The following ABR variants were observed in gnomAD, a reference collection of about 807,000 sequenced individuals.
ABR encodes active breakpoint cluster region-related protein.
A neutral mutation model predicts 107.2 loss-of-function variants in ABR; 35 were observed. The ratio of observed to expected loss-of-function variants is 0.33; its 90% confidence interval spans 0.25 to 0.43. The LOEUF is 0.43. ABR is among the 20% of genes least tolerant of loss of function. The probability of loss-of-function intolerance (pLI) is 1.00; values close to 1 mark genes in which losing one functional copy is unlikely to be tolerated. For synonymous variants in ABR, 498 were observed against 462.0 expected, an observed-to-expected ratio of 1.08 and a Z score of -1.00; for missense variants, 815 against 1,115.2, an observed-to-expected ratio of 0.73 and a Z score of 3.83.
At chr17:1,108,629 C>T (rs886581065) in intron 2 of ABR, among the ~76,000 whole-genome samples, 2 of 152,398 alleles carry the variant, frequency 1.3e-5, no homozygotes, top group East Asian at 1.9e-4. Flanking sequence ...ACGGGGGATT[C>T]CTGCCCACCC....
chr17:1,100,798 G>A lies in ABR; in HGVS notation c.247-63C>T, dbSNP rs1048546902. 2.2e-5 allele frequency: 33 copies of A among 1,510,042 alleles called. No homozygotes were observed. The African/African-American group carries it at 2.5e-4, about 11-fold the overall frequency. The allele number at this position is 1,510,042 out of a possible 1,614,324, so 93.5% of individuals were successfully genotyped here. On this transcript the variant is annotated intron_variant, in intron 2 of 22. Coordinates refer to ENST00000302538, the MANE Select transcript of ABR (RefSeq NM_021962.5). Reference sequence around the variant, plus strand: ...AAGGAGGCCAAAACCCTGCGTGGACGGTCTGCTTCCCTGCCCTTCCCCCCC... The same window carrying A: ...AAGGAGGCCAAAACCCTGCGTGGACAGTCTGCTTCCCTGCCCTTCCCCCCC...
At chr17:1,181,754 GA>G (rs1418703515), upstream of ABR, 1 of 152,224 alleles carries the variant, frequency 6.6e-6, no homozygotes. Flanking sequence ...GGGAAAGGTG[GA>G]AACGGGCGTG....
At chr17:1,116,414 C>T (rs776427004) in intron 2 of ABR, among the ~76,000 whole-genome samples, 6 of 152,156 alleles carry the variant, frequency 3.9e-5, no homozygotes, top group Non-Finnish European at 7.3e-5. Flanking sequence ...CCTCCGTTTC[C>T]TCATCTATAG....
chr17:1,203,737 T>A (rs1221028844), intron 1 of ABR, among the ~76,000 whole-genome samples: 1 of 151,786 alleles, frequency 6.6e-6, no homozygotes, highest in Admixed American at 6.6e-5. Context: ...GGAAGGCGGA[T>A]GGCGCCCCCC....
At chr17:1,104,441 G>A (rs992903532) in intron 2 of ABR, among the ~76,000 whole-genome samples, 3 of 152,270 alleles carry the variant, frequency 2.0e-5, no homozygotes, top group Admixed American at 6.5e-5. Flanking sequence ...CAACAAGCAG[G>A]GCTGGCTCTC....
In ABR at chr17:1,193,339, C is replaced by T. The variant is rs58684065; in HGVS notation, c.838+35454G>A. ...CCCGGCGAGTTTGCTGAACGCCCTTCGGCCGACGTGTCCCGAGCATCGCCA... is the reference window on the plus strand; with the variant it reads ...CCCGGCGAGTTTGCTGAACGCCCTTTGGCCGACGTGTCCCGAGCATCGCCA... On this transcript the variant is annotated intron_variant, in intron 1 of 22. Coordinates refer to the ABR transcript ENST00000574139. Among the ~76,000 whole-genome samples, 46 of 151,766 alleles carry T rather than the reference C, an allele frequency of 3.0e-4. No homozygotes were observed. In the East Asian group the frequency reaches 7.4e-3, roughly 24 times the overall value.
intron 1 of ABR, among the ~76,000 whole-genome samples, chr17:1,215,608 G>T (rs1198667398): frequency 1.3e-5 from 2 of 152,058 alleles, no homozygotes; most frequent in African/African-American, 2.4e-5. Flanking sequence ...CCTCCTAGCC[G>T]CCTGCCTTGG....
In ABR at chr17:1,050,558, T is replaced by C. The variant is rs2032360618; in HGVS notation, c.1638A>G (p.Thr546=). The C allele has an allele frequency of 1.2e-6, 2 of 1,613,996 alleles. No homozygotes were observed. The highest frequency in any genetic ancestry group is 2.2e-5 in the South Asian group (2 of 91,080). ...TCACCTCATCCCACTTGGGCTCCGC[T>C]GTGTCCCGGAACACCCTGGTTTTGG... The part of the protein sequence containing the change: ...SKAKTRVFRD[T]AEPKWDEEFE... Residue 546 remains threonine (T), a synonymous_variant, in exon 15 of 23, where the codon ACA becomes ACG. Coordinates refer to ENST00000302538, the MANE Select transcript of ABR (RefSeq NM_021962.5). The surrounding 1 kb of genome is among the most constrained non-coding windows in gnomAD (Gnocchi z 4.6).
At chr17:1,203,096 G>C (rs1306736908) in intron 1 of ABR, among the ~76,000 whole-genome samples, 2 of 152,110 alleles carry the variant, frequency 1.3e-5, no homozygotes, top group East Asian at 3.9e-4. Flanking sequence ...ATGTTGGCCA[G>C]GCTGGTCTCG....
intron 16 of ABR, among the ~76,000 whole-genome samples, chr17:1,025,282 C>T (rs1427968608): frequency 1.3e-5 from 2 of 152,212 alleles, no homozygotes; most frequent in African/African-American, 2.4e-5. Context: ...GGCGACACAG[C>T]AAGACTCTGT....
At chr17:1,227,965 C>T (rs933987759) in intron 1 of ABR, among the ~76,000 whole-genome samples, 1 of 152,190 alleles carries the variant, frequency 6.6e-6, no homozygotes, top group Admixed American at 6.5e-5. Context: ...TAAGATCAGG[C>T]CCTGTCCTCA....
rs2035891717 is a variant in ABR at position 1,078,193 on chromosome 17, G to A, written c.700+1137C>T. Among the ~76,000 whole-genome samples, 1 of 151,974 alleles carries A rather than the reference G, an allele frequency of 6.6e-6. No individual in the cohort carries two copies. The highest frequency in any genetic ancestry group is 1.5e-5 in the Non-Finnish European group (1 of 67,992). On this transcript the variant is annotated intron_variant, in intron 6 of 22. Transcript: ENST00000302538. This position sits in a 1 kb window ranked among gnomAD's most constrained non-coding sequence, Gnocchi z 7.5. ...TGGCCCTGCCGACCTGCCTTCCACA[G>A]TTGAGGGCCCAGACCTCGGCTGGGG... is the stretch of plus-strand genomic sequence containing the variant.
At position 1,211,518 on chromosome 17, in the gene ABR, G is replaced by C. The variant is rs1393770104; in HGVS notation, c.838+17275C>G. Reference sequence around the variant, plus strand: ...AGCGTGAATCATAGGAGTCATTATTGATTGATTATTCACCGTGATTTTTTT... The same window carrying C: ...AGCGTGAATCATAGGAGTCATTATTCATTGATTATTCACCGTGATTTTTTT... On this transcript the variant is annotated intron_variant, in intron 1 of 22. Transcript: ENST00000574139. Among the ~76,000 whole-genome samples the C allele has an allele frequency of 3.3e-5, 5 of 152,062 alleles. No individual in the cohort carries two copies. The East Asian group carries it at 9.6e-4, about 29-fold the overall frequency.
intron 3 of ABR, among the ~76,000 whole-genome samples, chr17:1,093,428 C>T (rs1243920120): frequency 6.6e-6 from 1 of 152,076 alleles, no homozygotes; most frequent in Non-Finnish European, 1.5e-5. Context: ...AAGATTGCGC[C>T]ACTGCACTCC....
At chr17:1,055,489 C>G (rs1597580805) in intron 14 of ABR, 1 of 152,206 alleles carries the variant, frequency 6.6e-6, no homozygotes, top group Non-Finnish European at 1.5e-5. Flanking sequence ...TTGTCGCCCT[C>G]AGATATGAAG....
At chr17:1,227,007 G>T (rs1250273687) in intron 1 of ABR, among the ~76,000 whole-genome samples, 2 of 152,216 alleles carry the variant, frequency 1.3e-5, no homozygotes, top group Non-Finnish European at 2.9e-5. Context: ...TGCAGAGGGG[G>T]CTGGAATGGC....
At chr17:1,020,182 G>A (rs988581122) in intron 16 of ABR, among the ~76,000 whole-genome samples, 12 of 152,004 alleles carry the variant, frequency 7.9e-5, no homozygotes, top group Non-Finnish European at 1.0e-4. Flanking sequence ...CTTCGGGTTC[G>A]AGCGATTCTC....
At chr17:1,197,915 C>T (rs2042599539) in intron 1 of ABR, among the ~76,000 whole-genome samples, 1 of 151,704 alleles carries the variant, frequency 6.6e-6, no homozygotes, top group Non-Finnish European at 1.5e-5. Context: ...GGGGCAAATA[C>T]ACCCTGCTGA....
intron 4 of ABR, among the ~76,000 whole-genome samples, chr17:1,089,619 C>T (rs2036882600): frequency 6.6e-6 from 1 of 152,208 alleles, no homozygotes; most frequent in Admixed American, 6.5e-5. Context: ...ACGGTGCATT[C>T]ACTCATTCAA....
Sources: allele counts gnomAD v4.1 joint callset (sites outside exome capture counted in the v4.1 genomes callset), GRCh38; gene constraint gnomAD v4.1.1; non-coding constraint Gnocchi (gnomAD v3.1); transcripts MANE v1.5; gene names NCBI Gene and HGNC (gene_info 2026-07-23, HGNC 2026-07-21).